POU6F2: variants seen among roughly 807,000 people sequenced by gnomAD.
The protein encoded by POU6F2 is POU class 6 homeobox 2.
In POU6F2, 31 loss-of-function variants were observed where a neutral mutation model predicts 71.3. That is an observed-to-expected ratio of 0.43 (90% CI 0.33 to 0.59). The LOEUF (loss-of-function observed/expected upper bound fraction) is 0.59, where lower values mean the gene tolerates loss of function less well. Among genes scored for constraint, POU6F2 ranks in the 20% least tolerant of loss-of-function variants. POU6F2 has a pLI of 0.04. For synonymous variants in POU6F2, 347 were observed against 355.7 expected (o/e 0.98, Z 0.27); for missense variants, 783 against 856.8 (o/e 0.91, Z 1.07).
At chr7:39,132,648 A>G (rs1295662599) in intron 2 of POU6F2, 1 of 152,244 alleles carries the variant, frequency 6.6e-6, no homozygotes, top group African/African-American at 2.4e-5. Context: ...ATATTGATAG[A>G]ATTAAACACT....
At chr7:39,097,562 A>C (rs938843121) in intron 2 of POU6F2, among the ~76,000 whole-genome samples, 2 of 152,226 alleles carry the variant, frequency 1.3e-5, no homozygotes, top group Non-Finnish European at 2.9e-5. Flanking sequence ...TGTAGAATAG[A>C]AGTGAAAACC....
At chr7:39,347,736 A>G (rs1457394076) in intron 5 of POU6F2, among the ~76,000 whole-genome samples, 1 of 145,090 alleles carries the variant, frequency 6.9e-6, no homozygotes, top group East Asian at 1.9e-4. Context: ...GGCTCAAGCC[A>G]TCCTCCTGCC....
At chr7:39,397,130 A>T (rs541032089) in intron 5 of POU6F2, among the ~76,000 whole-genome samples, 102 of 152,022 alleles carry the variant, frequency 6.7e-4, no homozygotes, top group East Asian at 1.2e-3. Flanking sequence ...AGTATGAAAG[A>T]CTGCTCGGTG....
At chr7:39,321,859 T>C (rs1225014730) in intron 4 of POU6F2, among the ~76,000 whole-genome samples, 1 of 151,644 alleles carries the variant, frequency 6.6e-6, no homozygotes, top group Non-Finnish European at 1.5e-5. Context: ...AGCTATACTT[T>C]AAGAATAAAC....
At chr7:39,026,366 A>T (rs1789800395) in intron 1 of POU6F2, among the ~76,000 whole-genome samples, 1 of 152,136 alleles carries the variant, frequency 6.6e-6, no homozygotes, top group African/African-American at 2.4e-5. Flanking sequence ...TCTAACAATG[A>T]TAGACTGGAT....
chr7:39,225,131 C>A (rs981743145), intron 4 of POU6F2, among the ~76,000 whole-genome samples: 3 of 152,110 alleles, frequency 2.0e-5, no homozygotes, highest in Non-Finnish European at 4.4e-5. Context: ...GGAATGTTAT[C>A]AAACATAAAC....
chr7:39,404,399 C>T (rs923635832), intron 5 of POU6F2, among the ~76,000 whole-genome samples: 3 of 152,158 alleles, frequency 2.0e-5, no homozygotes, highest in African/African-American at 7.2e-5. Context: ...TCTATAATTT[C>T]CTATATGAAT....
At chr7:39,369,561 A>G (rs982003829) in intron 5 of POU6F2, among the ~76,000 whole-genome samples, 1 of 151,912 alleles carries the variant, frequency 6.6e-6, no homozygotes, top group Non-Finnish European at 1.5e-5. Flanking sequence ...ACAGGGTTTC[A>G]CCATGTTGGC....
intron 4 of POU6F2, among the ~76,000 whole-genome samples, chr7:39,267,640 ATTTT>A (rs200632650): frequency 6.7e-6 from 1 of 148,728 alleles, no homozygotes; most frequent in Non-Finnish European, 1.5e-5. Context: ...TATTTTATTT[ATTTT>A]TTTTTTTTAG....
At chr7:39,283,309 A>G (rs1784595510) in intron 4 of POU6F2, among the ~76,000 whole-genome samples, 2 of 152,080 alleles carry the variant, frequency 1.3e-5, no homozygotes, top group Non-Finnish European at 2.9e-5. Context: ...TTTTAAGTGT[A>G]TATTTCAGTC....
intron 8 of POU6F2, among the ~76,000 whole-genome samples, chr7:39,459,240 T>C (rs2116156818): frequency 6.6e-6 from 1 of 152,332 alleles, no homozygotes; most frequent in East Asian, 1.9e-4. Flanking sequence ...ACAGGACTTT[T>C]GTCGTTGTTG....
intron 2 of POU6F2, among the ~76,000 whole-genome samples, chr7:39,103,405 G>T (rs1381100895): frequency 2.0e-5 from 3 of 152,142 alleles, no homozygotes; most frequent in African/African-American, 7.2e-5. Context: ...GATCAATCAA[G>T]ACACTCCATC....
intron 2 of POU6F2, among the ~76,000 whole-genome samples, chr7:39,182,544 T>C (rs1183904606): frequency 1.3e-5 from 2 of 152,172 alleles, no homozygotes; most frequent in African/African-American, 4.8e-5. Flanking sequence ...CATCTTTCTC[T>C]TCTTTTCTCG....
chr7:39,020,443 T>C (rs1467096273), intron 1 of POU6F2, among the ~76,000 whole-genome samples: 2 of 152,196 alleles, frequency 1.3e-5, no homozygotes, highest in Non-Finnish European at 2.9e-5. Flanking sequence ...AATTACAGCA[T>C]TGAGGACAAA....
intron 1 of POU6F2, among the ~76,000 whole-genome samples, chr7:39,053,507 C>T (rs1393806773): frequency 6.6e-6 from 1 of 151,932 alleles, no homozygotes; most frequent in Non-Finnish European, 1.5e-5. Flanking sequence ...CTTTTTTCCC[C>T]CCAGAAGATC....
intron 2 of POU6F2, among the ~76,000 whole-genome samples, chr7:39,121,170 A>G (rs111591827): frequency 2.6e-5 from 4 of 152,326 alleles, no homozygotes; most frequent in African/African-American, 9.6e-5. Context: ...TTAAGACCAT[A>G]ATTTTGACAC....
chr7:39,316,549 A>G (rs1165203614), intron 4 of POU6F2, among the ~76,000 whole-genome samples: 1 of 152,180 alleles, frequency 6.6e-6, no homozygotes, highest in Non-Finnish European at 1.5e-5. Context: ...ATGTGGAGTC[A>G]AGCAGCTCTG....
rs398004470 is a variant in POU6F2 at position 39,246,905 on chromosome 7, C to CTTTTTTTTTTTTTT, written c.598+39295_598+39308dup. Among the ~76,000 whole-genome samples the CTTTTTTTTTTTTTT allele has an allele frequency of 1.1e-3, 89 of 78,150 alleles. 7 individuals carry two copies. The highest frequency in any genetic ancestry group is 3.9e-3 in the African/African-American group (66 of 17,078). 51.3% of individuals were successfully genotyped at this position (78,150 alleles called of 152,430 possible). On this transcript the variant is annotated intron_variant, in intron 4 of 9. Coordinates refer to ENST00000518318, the MANE Select transcript of POU6F2 (RefSeq NM_001370959.1). The stretch of plus-strand genomic sequence containing the variant: ...CCAGCTCACCCCAAATCCAGGGTGG[C>CTTTTTTTTTTTTTT]TTTTTTTTTTTTTTTTTTTTTTTGC...
intron 2 of POU6F2, among the ~76,000 whole-genome samples, chr7:39,127,343 G>C (rs1410618427): frequency 6.6e-6 from 1 of 152,144 alleles, no homozygotes; most frequent in Non-Finnish European, 1.5e-5. Flanking sequence ...TGATGAAGAG[G>C]ATCTTGGTAG....
Sources: allele counts gnomAD v4.1 joint callset (sites outside exome capture counted in the v4.1 genomes callset), GRCh38; gene constraint gnomAD v4.1.1; transcripts MANE v1.5; gene names NCBI Gene and HGNC (gene_info 2026-07-23, HGNC 2026-07-21).